The following MEIOB variants were observed in gnomAD, a reference collection of about 807,000 sequenced individuals.
MEIOB encodes the protein meiosis specific with OB-fold.
MEIOB carries 50 observed loss-of-function variants against 53.1 expected under a neutral mutation model. The ratio of observed to expected loss-of-function variants is 0.94; its 90% CI spans 0.75 to 1.19. The LOEUF (loss-of-function observed/expected upper bound fraction) is 1.19. Among genes scored for constraint, MEIOB ranks in the 50% most tolerant of loss-of-function variants. The pLI, the probability that MEIOB is intolerant of heterozygous loss-of-function variation, is 0.00. For synonymous variants in MEIOB, 192 were observed against 182.5 expected (o/e 1.05, Z -0.42); for missense variants, 551 against 550.8 (o/e 1.00, Z 0.00).
intron 4 of MEIOB, 46 bp from the exon 5 acceptor site, chr16:1,860,521 G>A (rs762659804): frequency 9.6e-7 from 1 of 1,045,582 alleles, no homozygotes; most frequent in African/African-American, 1.6e-5. Context: ...ACAGTAACAA[G>A]ATAAACACTA....
At chr16:1,842,887 C>G (rs1188136593) in intron 10 of MEIOB, among the ~76,000 whole-genome samples, 1 of 149,300 alleles carries the variant, frequency 6.7e-6, no homozygotes. Flanking sequence ...TGGTTTCCAT[C>G]TCCTGACCTC....
At chr16:1,836,213 T>A (rs1176186104) in intron 13 of MEIOB, among the ~76,000 whole-genome samples, 3 of 152,228 alleles carry the variant, frequency 2.0e-5, no homozygotes, top group Admixed American at 6.5e-5. Flanking sequence ...GGATTTTACA[T>A]CTTTTTATTT....
chr16:1,834,327 T>C lies in MEIOB; in HGVS notation c.1345A>G (p.Ser449Gly). 8 of 1,612,704 alleles carry C rather than the reference T, an allele frequency of 5.0e-6. No individual in the cohort carries two copies. Among genetic ancestry groups the C allele is most frequent in the Non-Finnish European group, 6.8e-6 (8 of 1,178,828 alleles). The change falls in exon 14 of 14, where the codon AGT becomes GGT. Residue 449 changes from serine to glycine, a missense_variant. By Grantham distance (56) the Ser-to-Gly change is moderately conservative. Transcript: ENST00000325962. Reference sequence around the variant, plus strand: ...TCTGCAAGCTTGCACGAGAGTACACTAATTTTCAATCCACTCCTTGCTCTG... The same window carrying C: ...TCTGCAAGCTTGCACGAGAGTACACCAATTTTCAATCCACTCCTTGCTCTG... ...SHRARSGLKI[S>G]VLSCKLADPT... is the part of the protein sequence containing the mutation.
chr16:1,860,859 C>G (rs865929392), intron 4 of MEIOB, among the ~76,000 whole-genome samples: 2 of 152,192 alleles, frequency 1.3e-5, no homozygotes, highest in Middle Eastern at 6.8e-3. Context: ...TTCTAAATAA[C>G]CGGTATGGGG....
At chr16:1,853,382 C>T in intron 7 of MEIOB, 111 bp from the exon 8 acceptor site, 1 of 846,410 alleles carries the variant, frequency 1.2e-6, no homozygotes, top group Non-Finnish European at 1.9e-6. Context: ...GTCAGCCATC[C>T]CCAAGGTGGT....
chr16:1,850,342 G>A, intron 9 of MEIOB, among the ~76,000 whole-genome samples: 1 of 152,258 alleles, frequency 6.6e-6, no homozygotes, highest in East Asian at 1.9e-4. Flanking sequence ...ACTTTGGGAG[G>A]CCGAGGCGGG....
chr16:1,853,128 A>G lies in MEIOB; in HGVS notation c.689T>C (p.Phe230Ser). Residue 230 changes from phenylalanine (F) to serine (S), a missense_variant, in exon 9 of 14, where the codon TTT (phenylalanine) becomes TCT (serine). Transcript: ENST00000325962. The part of the protein sequence containing the change: ...QSWMPRETVI[F>S]ASDVRINFDK... Reference sequence around the variant, plus strand: ...AAAATTTATTCTTACATCTGAGGCAAATATTACTGTTTGGGAAAAAAGCCA... The same window carrying G: ...AAAATTTATTCTTACATCTGAGGCAGATATTACTGTTTGGGAAAAAAGCCA... 6.2e-7 allele frequency: 1 copy of G among 1,610,566 alleles called. No homozygotes were observed. Among genetic ancestry groups the G allele is most frequent in the Non-Finnish European group, 8.5e-7 (1 of 1,177,410 alleles).
At chr16:1,850,170 T>C (rs1316857206) in intron 9 of MEIOB, among the ~76,000 whole-genome samples, 1 of 152,222 alleles carries the variant, frequency 6.6e-6, no homozygotes, top group Non-Finnish European at 1.5e-5. Flanking sequence ...TTTATACCAT[T>C]GTACAGTCAA....
At chr16:1,837,894 C>A (rs1447599935) in intron 12 of MEIOB, 24 bp from the exon 13 acceptor site, 3 of 1,478,846 alleles carry the variant, frequency 2.0e-6, no homozygotes, top group East Asian at 2.5e-5. Flanking sequence ...AAATATGAGA[C>A]AAATATATTT....
intron 1 of MEIOB, among the ~76,000 whole-genome samples, chr16:1,871,191 C>A (rs1899732999): frequency 6.8e-6 from 1 of 146,756 alleles, no homozygotes; most frequent in South Asian, 2.2e-4. Flanking sequence ...CTTCATTCAA[C>A]AACTACTGTC....
At chr16:1,847,574 C>A (rs1031077065) in intron 9 of MEIOB, among the ~76,000 whole-genome samples, 1 of 150,232 alleles carries the variant, frequency 6.7e-6, no homozygotes, top group East Asian at 1.9e-4. Context: ...AGTTTGAGAC[C>A]CCCCAAAAAA....
intron 9 of MEIOB, among the ~76,000 whole-genome samples, chr16:1,849,371 C>T (rs556460074): frequency 6.6e-5 from 10 of 151,900 alleles, no homozygotes; most frequent in Admixed American, 3.3e-4. Context: ...GGTGAAACCC[C>T]GTCTCTACTA....
chr16:1,843,224 C>G (rs1188219410), intron 10 of MEIOB, among the ~76,000 whole-genome samples: 1 of 150,898 alleles, frequency 6.6e-6, no homozygotes, highest in Admixed American at 6.6e-5. Flanking sequence ...ACCCGGGAGG[C>G]GGAGCTTGCA....
chr16:1,841,901 TCAGCTTTTC>T lies in MEIOB; in HGVS notation c.944_952del (p.Gly315_Ala317del), dbSNP rs778386608. On this transcript the variant is annotated inframe_deletion, in exon 11 of 14. Transcript: ENST00000325962. ...GGCATAAAGGATGCCATAGGAAGGA[TCAGCTTTTC>T]CTTCATTCTTCAAAGCTTTTCCCTT... 3 of 1,608,084 alleles carry T rather than the reference TCAGCTTTTC, an allele frequency of 1.9e-6. No individual in the cohort carries two copies. Among genetic ancestry groups the T allele is most frequent in the Non-Finnish European group, 2.5e-6 (3 of 1,176,558 alleles).
chr16:1,866,808 C>T (rs1475817638), intron 2 of MEIOB, among the ~76,000 whole-genome samples: 1 of 152,182 alleles, frequency 6.6e-6, no homozygotes, highest in African/African-American at 2.4e-5. Flanking sequence ...TTGCTAATTG[C>T]AGCAACTGAT....
At chr16:1,836,999 C>G (rs1043004096) in intron 13 of MEIOB, among the ~76,000 whole-genome samples, 17 of 152,112 alleles carry the variant, frequency 1.1e-4, no homozygotes, top group African/African-American at 3.6e-4. Context: ...TGGGTCCAGT[C>G]TCACCTGTGA....
rs1174907608 is a variant in MEIOB, at chr16:1,862,100, C to G, written c.144G>C (p.Arg48Ser). Residue 48 changes from arginine (R) to serine (S), a missense_variant, in exon 4 of 14, where the codon AGG becomes AGC. Coordinates refer to ENST00000325962, the MANE Select transcript of MEIOB (RefSeq NM_001163560.3). ...CCCGAATGGTGAAGCTGAAAGTGTA[C>G]CTTTCTGATCCAATATCTAAGGGAA... ...FPDRKNIGSE[R>S]YTFSFTIRDS... The G allele has an allele frequency of 6.4e-7, 1 of 1,550,732 alleles. No individual in the cohort carries two copies. Among genetic ancestry groups the G allele is most frequent in the African/African-American group, 1.4e-5 (1 of 72,986 alleles).
At chr16:1,849,479 A>G (rs4786697) in intron 9 of MEIOB, among the ~76,000 whole-genome samples, 121,695 of 147,480 alleles carry the variant, frequency 0.83, 50,362 homozygotes, top group Middle Eastern at 0.9. Flanking sequence ...CCGGGAGGCG[A>G]AGCTTGCAGT....
At chr16:1,860,562 G>T in intron 4 of MEIOB, 87 bp from the exon 5 acceptor site, 465 of 699,434 alleles carry the variant, frequency 6.6e-4, no homozygotes, top group East Asian at 7.9e-4. Flanking sequence ...TTTAATTTAT[G>T]ATCATCATCG....
Sources: allele counts gnomAD v4.1 joint callset (sites outside exome capture counted in the v4.1 genomes callset), GRCh38; gene constraint gnomAD v4.1.1; transcripts MANE v1.5; gene names NCBI Gene and HGNC (gene_info 2026-07-23, HGNC 2026-07-21).